Variants in CLECL1 observed in about 807,000 individuals in gnomAD.
CLECL1 encodes the protein C-type lectin like 1.
downstream of CLECL1, chr12:9,722,529 T>C (rs1331124319): frequency 1.4e-6 from 2 of 1,440,420 alleles, no homozygotes; most frequent in African/African-American, 1.4e-5. Flanking sequence ...AATATTTGTA[T>C]AGTTAATAAC....
chr12:9,709,281 C>A, the CLECL1 span: 1 of 152,386 alleles, frequency 6.6e-6, no homozygotes, highest in Admixed American at 6.5e-5. Context: ...GGAGCCAGCT[C>A]CCTCAAGCCC....
chr12:9,720,207 G>A (rs779410790), downstream of CLECL1, among the ~76,000 whole-genome samples: 45 of 152,058 alleles, frequency 3.0e-4, no homozygotes, highest in Non-Finnish European at 4.3e-4. Context: ...CACCTGCAAC[G>A]ATGTTCCCCC....
At chr12:9,703,210 A>G in the CLECL1 span, among the ~76,000 whole-genome samples, 14 of 152,190 alleles carry the variant, frequency 9.2e-5, 1 homozygote, top group African/African-American at 3.4e-4. Flanking sequence ...TTTAAATACA[A>G]TATCTATGAA....
At chr12:9,722,494 A>G (rs1318549402), downstream of CLECL1, 1 of 1,344,104 alleles carries the variant, frequency 7.4e-7, no homozygotes, top group African/African-American at 1.5e-5. Context: ...AAAGGTAATC[A>G]TGTAATTCAA....
At chr12:9,733,184 A>G (rs1382604634), upstream of CLECL1, 3 of 1,613,914 alleles carry the variant, frequency 1.9e-6, no homozygotes, top group Non-Finnish European at 8.5e-7. Context: ...AATAAATGAC[A>G]AAACCAATGT....
downstream of CLECL1, among the ~76,000 whole-genome samples, chr12:9,722,303 G>A (rs10844597): frequency 0.54 from 81,169 of 151,538 alleles, 22,044 homozygotes; most frequent in African/African-American, 0.62. Flanking sequence ...TTCAGCTGCT[G>A]TGATACCTGG....
downstream of CLECL1, among the ~76,000 whole-genome samples, chr12:9,719,442 C>T (rs928084801): frequency 2.6e-5 from 4 of 152,156 alleles, no homozygotes; most frequent in African/African-American, 4.8e-5. Context: ...AGGAGAATGG[C>T]GTGAACCCGG....
downstream of CLECL1, chr12:9,718,863 G>C: frequency 3.2e-6 from 2 of 622,952 alleles, no homozygotes; most frequent in Non-Finnish European, 5.7e-6. Context: ...TGAAAAATAA[G>C]TTTCTGTTGC....
intron 1 of CLECL1, among the ~76,000 whole-genome samples, chr12:9,731,755 C>T (rs1465378727): frequency 2.0e-5 from 3 of 152,268 alleles, no homozygotes; most frequent in African/African-American, 7.2e-5. Context: ...AAAGATGTTG[C>T]CCCACATCCC....
chr12:9,717,004 T>C (rs1866245899), intron 2 of CLECL1, among the ~76,000 whole-genome samples: 1 of 152,200 alleles, frequency 6.6e-6, no homozygotes, highest in Non-Finnish European at 1.5e-5. Flanking sequence ...GGTGAACCAT[T>C]AGCAGCATGA....
At chr12:9,711,339 G>A (rs1463916874), downstream of CLECL1, among the ~76,000 whole-genome samples, 2 of 152,186 alleles carry the variant, frequency 1.3e-5, no homozygotes, top group Non-Finnish European at 2.9e-5. Flanking sequence ...GAAGGTTGGT[G>A]TTCTGTTTCT....
the CLECL1 span, among the ~76,000 whole-genome samples, chr12:9,710,601 C>T: frequency 6.6e-6 from 1 of 152,162 alleles, no homozygotes; most frequent in African/African-American, 2.4e-5. Flanking sequence ...TGCCATGCCC[C>T]CATCCTGTGC....
chr12:9,707,740 C>T, the CLECL1 span, among the ~76,000 whole-genome samples: 1 of 152,196 alleles, frequency 6.6e-6, no homozygotes. Flanking sequence ...ATGGGGTCTG[C>T]TTTTCTTCCA....
the CLECL1 span, among the ~76,000 whole-genome samples, chr12:9,705,969 C>T: frequency 4.6e-5 from 7 of 151,832 alleles, no homozygotes; most frequent in Admixed American, 3.9e-4. Context: ...TTGGGAAGTA[C>T]GGCCATTTTC....
At chr12:9,729,795 A>G (rs1191879996) in intron 1 of CLECL1, among the ~76,000 whole-genome samples, 1 of 152,082 alleles carries the variant, frequency 6.6e-6, no homozygotes, top group Non-Finnish European at 1.5e-5. Context: ...CTTTCCTTCG[A>G]AATATGTAGA....
downstream of CLECL1, among the ~76,000 whole-genome samples, chr12:9,721,888 A>T (rs1866317539): frequency 1.3e-5 from 2 of 152,118 alleles, no homozygotes; most frequent in Admixed American, 6.5e-5. Flanking sequence ...TTAATAGTTT[A>T]CTTCTCTTTT....
At chr12:9,725,308 G>A (rs111656048) in intron 3 of CLECL1, among the ~76,000 whole-genome samples, 2,955 of 152,152 alleles carry the variant, frequency 0.019, 97 homozygotes, top group African/African-American at 0.063. Flanking sequence ...ATTTGGTCTT[G>A]CTTACAAATT....
At chr12:9,721,782 A>G (rs866091668), downstream of CLECL1, among the ~76,000 whole-genome samples, 2 of 152,222 alleles carry the variant, frequency 1.3e-5, no homozygotes, top group Admixed American at 6.5e-5. Context: ...TCTCTTATCA[A>G]TTCCTAATTC....
chr12:9,713,602 C>T (rs1866214014), downstream of CLECL1, among the ~76,000 whole-genome samples: 1 of 152,210 alleles, frequency 6.6e-6, no homozygotes. Flanking sequence ...TCCCTCATTT[C>T]CCCCATTTGA....
Sources: allele counts gnomAD v4.1 joint callset (sites outside exome capture counted in the v4.1 genomes callset), GRCh38; gene constraint gnomAD v4.1.1; transcripts MANE v1.5; gene names NCBI Gene and HGNC (gene_info 2026-07-23, HGNC 2026-07-21).